IRS1: variants seen among roughly 807,000 people sequenced by gnomAD.
IRS1 encodes insulin receptor substrate 1.
Under a neutral mutation model 65.6 loss-of-function variants are expected in IRS1, and 34 were observed. The ratio of observed to expected loss-of-function variants is 0.52; its 90% confidence interval spans 0.39 to 0.69. The LOEUF (loss-of-function observed/expected upper bound fraction) is 0.69. IRS1 is among the 30% of genes least tolerant of loss of function. The pLI, the probability that IRS1 is intolerant of heterozygous loss-of-function variation, is 0.00. For synonymous variants in IRS1, 699 were observed against 683.5 expected (o/e 1.02, Z -0.35); for missense variants, 1,641 against 1,720.2 (o/e 0.95, Z 0.81).
intron 1 of IRS1, among the ~76,000 whole-genome samples, chr2:226,750,061 C>T (rs1031510537): frequency 4.0e-5 from 6 of 151,894 alleles, no homozygotes; most frequent in African/African-American, 9.7e-5. Flanking sequence ...ACCAGCCTGA[C>T]CAACATGGTG....
intron 1 of IRS1, among the ~76,000 whole-genome samples, chr2:226,752,351 A>G (rs940868640): frequency 6.6e-6 from 1 of 152,230 alleles, no homozygotes; most frequent in African/African-American, 2.4e-5. Context: ...CCCAATTCCT[A>G]TAGGAAGGCA....
chr2:226,760,224 A>G (rs553275459), intron 1 of IRS1, among the ~76,000 whole-genome samples: 40 of 152,288 alleles, frequency 2.6e-4, no homozygotes, highest in African/African-American at 9.4e-4. Flanking sequence ...TACCATCCAA[A>G]TGAGTCATTT....
At chr2:226,784,367 C>G (rs1003021620) in intron 1 of IRS1, among the ~76,000 whole-genome samples, 1 of 152,032 alleles carries the variant, frequency 6.6e-6, no homozygotes, top group South Asian at 2.1e-4. Flanking sequence ...ACCAAAAAAA[C>G]GATCAAACAC....
chr2:226,781,153 C>T (rs1026044008), intron 1 of IRS1, among the ~76,000 whole-genome samples: 1 of 152,174 alleles, frequency 6.6e-6, no homozygotes, highest in Non-Finnish European at 1.5e-5. Flanking sequence ...GGTTGATACA[C>T]TTGAACCCAG....
intron 1 of IRS1, among the ~76,000 whole-genome samples, chr2:226,768,966 A>C (rs1338493427): frequency 6.6e-6 from 1 of 152,216 alleles, no homozygotes; most frequent in Non-Finnish European, 1.5e-5. Flanking sequence ...GAGCTCACTG[A>C]GGCAAGACAG....
At chr2:226,791,893 T>G (rs1939617850) in intron 1 of IRS1, among the ~76,000 whole-genome samples, 2 of 152,108 alleles carry the variant, frequency 1.3e-5, no homozygotes, top group South Asian at 4.1e-4. Context: ...GAGGGCGGTC[T>G]GGCTGCAGAT....
At chr2:226,765,152 G>A (rs928171763) in intron 1 of IRS1, among the ~76,000 whole-genome samples, 2 of 152,128 alleles carry the variant, frequency 1.3e-5, no homozygotes, top group Admixed American at 1.3e-4. Flanking sequence ...TGCCCAGGTT[G>A]ACTCAAACTC....
At chr2:226,762,099 C>G (rs1484773977) in intron 1 of IRS1, among the ~76,000 whole-genome samples, 1 of 152,154 alleles carries the variant, frequency 6.6e-6, no homozygotes, top group Admixed American at 6.5e-5. Flanking sequence ...TTTGTTCCAA[C>G]AACCAGCAAT....
At chr2:226,778,762 C>T (rs905766893) in intron 1 of IRS1, among the ~76,000 whole-genome samples, 21 of 152,236 alleles carry the variant, frequency 1.4e-4, no homozygotes, top group African/African-American at 5.1e-4. Flanking sequence ...TTCTCTAGGG[C>T]TTCCCAGATG....
At position 226,733,186 on chromosome 2, in the gene IRS1, A is replaced by G. The variant is rs1174898945; in HGVS notation, c.*3086T>C. On this transcript the variant is annotated 3_prime_UTR_variant, in exon 2 of 2. Coordinates refer to ENST00000305123, the MANE Select transcript of IRS1 (RefSeq NM_005544.3). ...GTATTGTAAAATACTGTTTCTTACC[A>G]TACAGAAAAATTGTTTCTTAATACT... 2 of 152,214 alleles carry G rather than the reference A, an allele frequency of 1.3e-5. No homozygotes were observed. The highest frequency in any genetic ancestry group is 3.8e-4 in the East Asian group (2 of 5,196). 9.4% of individuals were successfully genotyped at this position (152,214 alleles called of 1,614,324 possible). A position where few individuals can be genotyped will look rare whatever the true frequency, so the allele number is the denominator to read the frequency against.
intron 1 of IRS1, among the ~76,000 whole-genome samples, chr2:226,769,251 T>C (rs1199542112): frequency 1.3e-5 from 2 of 152,144 alleles, no homozygotes; most frequent in African/African-American, 2.4e-5. Context: ...AAAAGAGTTA[T>C]GAACAGATGA....
intron 1 of IRS1, among the ~76,000 whole-genome samples, chr2:226,746,690 C>CCTGCCCCTCT (rs1938552248): frequency 6.6e-6 from 1 of 152,012 alleles, no homozygotes; most frequent in Non-Finnish European, 1.5e-5. Flanking sequence ...CCACTTTGCT[C>CCTGCCCCTCT]CTGCCCCTCT....
chr2:226,797,104 C>T lies in IRS1; in HGVS notation c.1635G>A (p.Val545=), dbSNP rs777189053. ...THQKTPSQSS[V]ASIEEYTEMM... ...TCTCTGTGTACTCCTCAATGGAAGC[C>T]ACTGAGGACTGGGACGGGGTCTTCT... The change falls in exon 1 of 2, where the codon GTG becomes GTA. Residue 545 remains valine, a synonymous_variant. Coordinates refer to ENST00000305123, the MANE Select transcript of IRS1 (RefSeq NM_005544.3). This position sits in a 1 kb window ranked among gnomAD's most constrained non-coding sequence, Gnocchi z 8.1. 2.5e-6 allele frequency: 4 copies of T among 1,613,738 alleles called. No homozygotes were observed. In the Admixed American group the frequency reaches 6.7e-5, roughly 27 times the overall value.
chr2:226,741,806 C>CACACACAT, intron 1 of IRS1, among the ~76,000 whole-genome samples: 1 of 148,830 alleles, frequency 6.7e-6, no homozygotes, highest in Admixed American at 6.9e-5. Flanking sequence ...CACACACACA[C>CACACACAT]ACACACACAC....
At chr2:226,744,130 C>A (rs903596084) in intron 1 of IRS1, among the ~76,000 whole-genome samples, 1 of 152,142 alleles carries the variant, frequency 6.6e-6, no homozygotes, top group Non-Finnish European at 1.5e-5. Context: ...TGGTCTGCAG[C>A]GGACTGAGGT....
chr2:226,791,868 G>C (rs949983202), intron 1 of IRS1, among the ~76,000 whole-genome samples: 12 of 152,110 alleles, frequency 7.9e-5, no homozygotes, highest in Non-Finnish European at 1.2e-4. Flanking sequence ...CGAGACGGGC[G>C]GGGGCGGGAG....
At chr2:226,744,465 T>C in intron 1 of IRS1, among the ~76,000 whole-genome samples, 1 of 152,306 alleles carries the variant, frequency 6.6e-6, no homozygotes, top group East Asian at 1.9e-4. Context: ...AGATTTTCCC[T>C]ACAACATACA....
intron 1 of IRS1, among the ~76,000 whole-genome samples, chr2:226,779,419 CT>C (rs1345677880): frequency 6.6e-6 from 1 of 152,166 alleles, no homozygotes; most frequent in African/African-American, 2.4e-5. Context: ...CAAACAGTAT[CT>C]ACCAAATGCC....
intron 1 of IRS1, among the ~76,000 whole-genome samples, chr2:226,741,230 T>C (rs1401249214): frequency 6.6e-6 from 1 of 152,224 alleles, no homozygotes. Context: ...TACTTAGATC[T>C]TTCCCATTCT....
Sources: gnomAD v4.1 joint callset for allele counts (sites outside exome capture counted in the v4.1 genomes callset) on GRCh38, gnomAD v4.1.1 for gene constraint, Gnocchi (gnomAD v3.1) non-coding constraint, MANE v1.5 for transcripts, NCBI Gene and HGNC (gene_info 2026-07-23, HGNC 2026-07-21) for gene names.